Variants in SDSL observed in about 807,000 individuals in gnomAD.
SDSL encodes serine dehydratase-like.
A neutral mutation model predicts 27.6 loss-of-function variants in SDSL; 26 were observed. The observed-to-expected ratio is 0.94, with a 90% confidence interval of 0.69 to 1.31. The LOEUF (loss-of-function observed/expected upper bound fraction) is 1.31. SDSL is among the 50% of genes most tolerant of loss of function. SDSL has a pLI of 0.00. For synonymous variants in SDSL, 196 were observed against 180.6 expected (o/e 1.09, Z -0.69); for missense variants, 431 against 423.5 (o/e 1.02, Z -0.16).
At chr12:113,432,047 G>A (rs923283700) in intron 4 of SDSL, among the ~76,000 whole-genome samples, 14 of 151,152 alleles carry the variant, frequency 9.3e-5, no homozygotes, top group Admixed American at 8.6e-4. Context: ...AAACTGCTGC[G>A]CCCAGCCTAA....
chr12:113,427,082 G>A (rs1037977306), intron 1 of SDSL: 1 of 152,422 alleles, frequency 6.6e-6, no homozygotes, highest in Admixed American at 6.5e-5. Flanking sequence ...TAGACCATGA[G>A]TTGATTGCTG....
intron 4 of SDSL, among the ~76,000 whole-genome samples, chr12:113,429,826 G>A (rs907995985): frequency 6.6e-6 from 1 of 151,984 alleles, no homozygotes; most frequent in Non-Finnish European, 1.5e-5. Context: ...TAAACCTCTC[G>A]AAATTAAAAC....
chr12:113,435,258 C>T (rs1957973477), intron 5 of SDSL, 71 bp from the exon 6 acceptor site: 1 of 1,090,558 alleles, frequency 9.2e-7, no homozygotes, highest in Non-Finnish European at 1.3e-6. Context: ...TGGTAAATTC[C>T]CCCACCACAG....
At chr12:113,436,319 C>T (rs551302541) in intron 6 of SDSL, among the ~76,000 whole-genome samples, 334 of 150,436 alleles carry the variant, frequency 2.2e-3, no homozygotes, top group Non-Finnish European at 4.1e-3. Flanking sequence ...GATGGAATCT[C>T]ACTCTGTTTC....
Position 113,437,860 on chromosome 12 carries a change from C to T in SDSL, c.797-26C>T, listed in dbSNP as rs773648638. ...GAGTGGTTCTTCTTCCCTTTCCTTCCTCTCTCCATCCCCCGATCCTGGCAG... is the reference window on the plus strand; with the variant it reads ...GAGTGGTTCTTCTTCCCTTTCCTTCTTCTCTCCATCCCCCGATCCTGGCAG... On this transcript the variant is annotated intron_variant, in intron 7 of 7. Coordinates refer to ENST00000403593, the MANE Select transcript of SDSL (RefSeq NM_001304993.2). The T allele has an allele frequency of 1.9e-6, 3 of 1,560,896 alleles. No homozygotes were observed. In the Admixed American group the frequency reaches 5.7e-5, roughly 30 times the overall value.
chr12:113,437,834 C>G (rs371459348), intron 7 of SDSL, 52 bp from the exon 8 acceptor site: 3 of 1,508,780 alleles, frequency 2.0e-6, no homozygotes, highest in East Asian at 2.3e-5. Flanking sequence ...TGCTGAGCAC[C>G]GAGTGGTTCT....
intron 1 of SDSL, chr12:113,426,403 G>A (rs1957851878): frequency 3.0e-6 from 1 of 338,720 alleles, no homozygotes; most frequent in African/African-American, 2.1e-5. Context: ...ACCAACCACA[G>A]AATCAGCCAC....
Position 113,435,491 on chromosome 12 carries a change from TG to T in SDSL, c.610del (p.Ala204HisfsTer55). 1 of 1,614,004 alleles carries T rather than the reference TG, an allele frequency of 6.2e-7. No individual in the cohort carries two copies. Among genetic ancestry groups the T allele is most frequent in the East Asian group, 2.2e-5 (1 of 44,872 alleles). On this transcript the variant is annotated frameshift_variant, in exon 6 of 8. Coordinates refer to ENST00000403593, the MANE Select transcript of SDSL (RefSeq NM_001304993.2). LOFTEE classifies it high-confidence loss of function. ...TACCCATCATTGCCATGGAGACCCA[TG>T]GGGCACACTGCTTCAATGCGGCCAT... The part of the protein sequence containing the change: ...HVPIIAMETH[G>X]AHCFNAAITA...
chr12:113,434,158 G>A lies in SDSL; in HGVS notation c.379G>A (p.Ala127Thr). The change falls in exon 5 of 8, where the codon GCG (alanine) becomes ACG (threonine). Residue 127 changes from alanine (A) to threonine (T), a missense_variant. Ala to Thr is a moderately conservative substitution (Grantham distance 58). Transcript: ENST00000403593. ...GGTCTGGGACGAGGCCAATCTGAGG[G>A]CGCAAGAGTTGGCCAAGAGGGACGG... is the stretch of plus-strand genomic sequence containing the variant. ...GKVWDEANLR[A>T]QELAKRDGWE... is the part of the protein sequence containing the mutation. 1 of 1,613,790 alleles carries A rather than the reference G, an allele frequency of 6.2e-7. No individual in the cohort carries two copies. The highest frequency in any genetic ancestry group is 8.5e-7 in the Non-Finnish European group (1 of 1,179,806).
intron 1 of SDSL, chr12:113,426,098 A>C: frequency 2.3e-6 from 1 of 443,754 alleles, no homozygotes; most frequent in Non-Finnish European, 4.6e-6. Context: ...GTGGGCGGGA[A>C]CCCCCTGCTG....
Position 113,432,269 on chromosome 12 carries a change from T to TC in SDSL, c.355-1865_355-1864insC, listed in dbSNP as rs1565879172. Among the ~76,000 whole-genome samples, 95 of 142,274 alleles carry TC rather than the reference T, an allele frequency of 6.7e-4. 2 individuals carry two copies. The highest frequency in any genetic ancestry group is 2.4e-3 in the African/African-American group (88 of 36,440). The allele number at this position is 142,274 out of a possible 152,430, so 93.3% of individuals were successfully genotyped here. A position where few individuals can be genotyped will look rare whatever the true frequency, so the allele number is the denominator to read the frequency against. On this transcript the variant is annotated intron_variant, in intron 4 of 7. Coordinates refer to ENST00000403593, the MANE Select transcript of SDSL (RefSeq NM_001304993.2). ...CTTTCTTTCTTTCTTTCTTTCTTTC[T>TC]TTCTTTCTTTCTTTCTTTCTTTCTC...
intron 4 of SDSL, among the ~76,000 whole-genome samples, chr12:113,430,557 G>A (rs910118778): frequency 2.0e-5 from 3 of 152,224 alleles, no homozygotes; most frequent in East Asian, 1.9e-4. Flanking sequence ...CTGGGGGCAC[G>A]TTCTTCTCAA....
chr12:113,432,837 T>C (rs1254260196), intron 4 of SDSL, among the ~76,000 whole-genome samples: 2 of 152,238 alleles, frequency 1.3e-5, no homozygotes, highest in Non-Finnish European at 2.9e-5. Flanking sequence ...TCCATGTTGC[T>C]GCAAAGGACA....
chr12:113,429,848 C>T (rs939825836), intron 4 of SDSL, among the ~76,000 whole-genome samples: 1 of 152,064 alleles, frequency 6.6e-6, no homozygotes, highest in Non-Finnish European at 1.5e-5. Context: ...AAAAGCCAAA[C>T]TATGGTACGT....
At chr12:113,433,443 T>C (rs533518690) in intron 4 of SDSL, among the ~76,000 whole-genome samples, 69 of 152,320 alleles carry the variant, frequency 4.5e-4, no homozygotes, top group African/African-American at 1.5e-3. Flanking sequence ...GTTTGGATTC[T>C]CCCAAAAGCG....
Position 113,428,555 on chromosome 12 carries a change from GC to G in SDSL, c.214+99del. ...ATCCAGGGTTGGTCTCCTCTTAAAG[GC>G]CCAGCCTCATCAAGGTCATTGATGA... On this transcript the variant is annotated intron_variant, in intron 3 of 7. Transcript: ENST00000403593. 2.9e-6 allele frequency: 3 copies of G among 1,038,970 alleles called. No homozygotes were observed. In the South Asian group the frequency reaches 4.7e-5, roughly 16 times the overall value. 64.4% of individuals were successfully genotyped at this position (1,038,970 alleles called of 1,614,324 possible). A position where few individuals can be genotyped will look rare whatever the true frequency, so the allele number is the denominator to read the frequency against.
chr12:113,426,721 T>C (rs1005129378), intron 1 of SDSL, among the ~76,000 whole-genome samples: 17 of 152,118 alleles, frequency 1.1e-4, no homozygotes, highest in African/African-American at 4.1e-4. Context: ...GAGGATCCCT[T>C]GAGCCTAGGA....
intron 3 of SDSL, among the ~76,000 whole-genome samples, chr12:113,428,902 C>T (rs940141336): frequency 4.0e-5 from 6 of 151,822 alleles, no homozygotes; most frequent in African/African-American, 1.2e-4. Flanking sequence ...CTCGATGCCT[C>T]GCCTCAATCC....
At position 113,437,488 on chromosome 12, in the gene SDSL, A is replaced by G. The variant is rs1009719390; in HGVS notation, c.797-398A>G. Among the ~76,000 whole-genome samples, 4 of 152,240 alleles carry G rather than the reference A, an allele frequency of 2.6e-5. No individual in the cohort carries two copies. In the East Asian group the frequency reaches 7.7e-4, roughly 29 times the overall value. ...GAAGTGACGGATTGATGAATGGTAT[A>G]GAAATGAATGAATGGACAGACACAT... On this transcript the variant is annotated intron_variant, in intron 7 of 7. Transcript: ENST00000403593.
Sources: allele counts gnomAD v4.1 joint callset (sites outside exome capture counted in the v4.1 genomes callset), GRCh38; gene constraint gnomAD v4.1.1; transcripts MANE v1.5; gene names NCBI Gene and HGNC (gene_info 2026-07-23, HGNC 2026-07-21).